Variants in STXBP5L observed in about 807,000 individuals in gnomAD.
STXBP5L encodes syntaxin binding protein 5L, also known as syntaxin-binding protein 5-like.
A neutral mutation model predicts 144.5 loss-of-function variants in STXBP5L; 65 were observed. The observed-to-expected ratio is 0.45, with a 90% confidence interval of 0.37 to 0.55. The LOEUF (loss-of-function observed/expected upper bound fraction) is 0.55, where lower values mean the gene tolerates loss of function less well. STXBP5L is among the 20% of genes least tolerant of loss of function. STXBP5L has a pLI of 0.00. For synonymous variants in STXBP5L, 505 were observed against 469.6 expected (o/e 1.08, Z -0.97); for missense variants, 1,298 against 1,405.5 (o/e 0.92, Z 1.22).
In STXBP5L at chr3:121,231,329, G is replaced by A. The variant is rs145787411; in HGVS notation, c.1112-2287G>A. Among the ~76,000 whole-genome samples, 401 of 152,258 alleles carry A rather than the reference G, an allele frequency of 2.6e-3. 1 individual carries two copies. Among genetic ancestry groups the A allele is most frequent in the Admixed American group, 4.7e-3 (72 of 15,284 alleles). On this transcript the variant is annotated intron_variant, in intron 11 of 26. Coordinates refer to ENST00000471454, the MANE Select transcript of STXBP5L (RefSeq NM_001308330.2). ...TTTTGCCCTTCCTGGACTTGAATAA[G>A]ATGATTAAATGCCTTAAAAGCAATC...
At chr3:121,297,989 A>C (rs2051727320) in intron 19 of STXBP5L, among the ~76,000 whole-genome samples, 1 of 152,228 alleles carries the variant, frequency 6.6e-6, no homozygotes, top group South Asian at 2.1e-4. Context: ...ATTTTGGATA[A>C]ATACCCAGAA....
chr3:121,026,419 A>G (rs963742929), intron 3 of STXBP5L, among the ~76,000 whole-genome samples: 8 of 152,074 alleles, frequency 5.3e-5, no homozygotes, highest in African/African-American at 1.9e-4. Context: ...ATTATAACAC[A>G]TCACTAGCTT....
chr3:120,937,113 C>T (rs1252671407), intron 2 of STXBP5L, among the ~76,000 whole-genome samples: 4 of 152,122 alleles, frequency 2.6e-5, no homozygotes, highest in Non-Finnish European at 4.4e-5. Context: ...ATATCTCTTC[C>T]TTCAGTTTGG....
At chr3:121,157,773 A>C (rs1024203323) in intron 9 of STXBP5L, 146 bp downstream of exon 9, 1 of 1,059,376 alleles carries the variant, frequency 9.4e-7, no homozygotes, top group Admixed American at 3.6e-5. Flanking sequence ...CCACCTACAG[A>C]TCCCAACATT....
At chr3:121,070,204 C>T (rs997044863) in intron 5 of STXBP5L, among the ~76,000 whole-genome samples, 3 of 152,276 alleles carry the variant, frequency 2.0e-5, no homozygotes, top group Admixed American at 6.5e-5. Flanking sequence ...GTGGGAACTA[C>T]GTGAGGCGAG....
intron 3 of STXBP5L, among the ~76,000 whole-genome samples, chr3:121,024,213 AAACTC>A (rs1307415006): frequency 6.6e-6 from 1 of 152,224 alleles, no homozygotes; most frequent in East Asian, 1.9e-4. Flanking sequence ...AGAACTTTAA[AAACTC>A]AACAATAAGA....
At chr3:121,008,857 TA>T (rs1944553864) in intron 3 of STXBP5L, among the ~76,000 whole-genome samples, 1 of 152,012 alleles carries the variant, frequency 6.6e-6, no homozygotes, top group Admixed American at 6.6e-5. Context: ...ATATTTAGAA[TA>T]TGTAGCAATT....
intron 19 of STXBP5L, among the ~76,000 whole-genome samples, chr3:121,315,985 A>G (rs1015475870): frequency 3.9e-5 from 5 of 127,810 alleles, no homozygotes; most frequent in African/African-American, 1.4e-4. Flanking sequence ...CCTGGGCGAT[A>G]GTGAGACTCT....
intron 5 of STXBP5L, among the ~76,000 whole-genome samples, chr3:121,088,483 C>T (rs2042607720): frequency 1.4e-5 from 1 of 73,740 alleles, no homozygotes; most frequent in Non-Finnish European, 2.6e-5. Context: ...AACACTTTTA[C>T]ACTGTTGGTG....
chr3:121,041,686 T>G lies in STXBP5L; in HGVS notation c.288-14T>G. On this transcript the variant is annotated splice_polypyrimidine_tract_variant and intron_variant, in intron 3 of 26. Coordinates refer to ENST00000471454, the MANE Select transcript of STXBP5L (RefSeq NM_001308330.2). ...TAATTAAAATGTTAGAATCCTTGAC[T>G]TTTATTATATTAGACTCGGGAGACC... The G allele has an allele frequency of 6.2e-7, 1 of 1,603,016 alleles. No homozygotes were observed. Among genetic ancestry groups the G allele is most frequent in the Non-Finnish European group, 8.5e-7 (1 of 1,170,552 alleles).
chr3:121,102,681 A>G (rs1345716665), intron 5 of STXBP5L, among the ~76,000 whole-genome samples: 1 of 152,190 alleles, frequency 6.6e-6, no homozygotes, highest in Non-Finnish European at 1.5e-5. Context: ...CAATTACAGC[A>G]AAATCAAAAA....
chr3:121,237,836 A>G (rs2049532572), intron 12 of STXBP5L, among the ~76,000 whole-genome samples: 1 of 152,204 alleles, frequency 6.6e-6, no homozygotes, highest in South Asian at 2.1e-4. Flanking sequence ...CTACAGTGCA[A>G]CAATGCAGCC....
chr3:121,219,113 C>A (rs1215012237), intron 10 of STXBP5L, among the ~76,000 whole-genome samples: 1 of 152,066 alleles, frequency 6.6e-6, no homozygotes, highest in Non-Finnish European at 1.5e-5. Context: ...TGTCATCCCA[C>A]CTACTTGTGT....
intron 5 of STXBP5L, among the ~76,000 whole-genome samples, chr3:121,091,903 T>C (rs1576922185): frequency 6.6e-6 from 1 of 152,200 alleles, no homozygotes; most frequent in South Asian, 2.1e-4. Flanking sequence ...ATCTTTATGG[T>C]TTTAGGTCTA....
intron 20 of STXBP5L, among the ~76,000 whole-genome samples, chr3:121,360,414 GTA>G (rs2045676657): frequency 6.7e-6 from 1 of 149,462 alleles, no homozygotes; most frequent in Non-Finnish European, 1.5e-5. Flanking sequence ...TTCTTGGTAA[GTA>G]AGGACTTACT....
intron 2 of STXBP5L, among the ~76,000 whole-genome samples, chr3:120,919,831 T>A (rs1297087650): frequency 1.3e-5 from 2 of 151,976 alleles, no homozygotes; most frequent in East Asian, 1.9e-4. Flanking sequence ...ATAATTTACA[T>A]CATGTGAACT....
chr3:120,974,046 G>C (rs1365549410), intron 3 of STXBP5L, among the ~76,000 whole-genome samples: 1 of 151,954 alleles, frequency 6.6e-6, no homozygotes, highest in African/African-American at 2.4e-5. Flanking sequence ...TAGTCCTTTG[G>C]GTATATACCG....
At chr3:121,324,481 C>G in intron 20 of STXBP5L, 1 of 680,490 alleles carries the variant, frequency 1.5e-6, no homozygotes, top group South Asian at 1.6e-5. Context: ...GTTTTATATT[C>G]CCTTCCTTTA....
chr3:121,351,039 T>A (rs1369536547), intron 20 of STXBP5L, among the ~76,000 whole-genome samples: 3 of 150,026 alleles, frequency 2.0e-5, no homozygotes, highest in Non-Finnish European at 4.4e-5. Flanking sequence ...GGCGCTCTGG[T>A]TTTTAGAATT....
Sources: gnomAD v4.1 joint callset for allele counts (sites outside exome capture counted in the v4.1 genomes callset) on GRCh38, gnomAD v4.1.1 for gene constraint, MANE v1.5 for transcripts, NCBI Gene and HGNC (gene_info 2026-07-23, HGNC 2026-07-21) for gene names.